NEB: variants seen among roughly 807,000 people sequenced by gnomAD.
NEB encodes nemaline myopathy type 2.
Under a neutral mutation model 952.2 loss-of-function variants are expected in NEB, and 512 were observed. The observed-to-expected ratio is 0.54, with a 90% CI of 0.50 to 0.58. The LOEUF (loss-of-function observed/expected upper bound fraction) is 0.58. Ranked by LOEUF, NEB falls within the 20% of genes least tolerant of loss-of-function variation. The pLI is 0.00. For synonymous variants in NEB, 2,900 were observed against 3,149.8 expected, an observed-to-expected ratio of 0.92 and a Z score of 2.66; for missense variants, 8,428 against 9,231.1, an observed-to-expected ratio of 0.91 and a Z score of 3.56.
intron 160 of NEB, among the ~76,000 whole-genome samples, chr2:151,513,157 T>C (rs1224390343): frequency 6.6e-6 from 1 of 152,130 alleles, no homozygotes; most frequent in Non-Finnish European, 1.5e-5. Context: ...AAAAGACCCA[T>C]ACCAATGAGC....
Position 151,565,503 on chromosome 2 carries a change from C to T in NEB, c.18364G>A (p.Asp6122Asn). 2 of 1,573,464 alleles carry T rather than the reference C, an allele frequency of 1.3e-6. No homozygotes were observed. Among genetic ancestry groups the T allele is most frequent in the Non-Finnish European group, 1.7e-6 (2 of 1,146,910 alleles). Residue 6122 changes from aspartate to asparagine, a missense_variant and splice_region_variant, in exon 116 of 182, where the codon GAT (aspartate) becomes AAT (asparagine). Around this residue, in one of 11 missense-constraint regions of NEB, gnomAD observed 3,374 missense variants for 3,651.5 expected, o/e 0.92. Coordinates refer to ENST00000397345, the MANE Select transcript of NEB (RefSeq NM_001164508.2). ...CAGCATGCACAAAGCAAACTTACATCACTTTGATTGACAGAATTAATCTTG... is the reference window on the plus strand; with the variant it reads ...CAGCATGCACAAAGCAAACTTACATTACTTTGATTGACAGAATTAATCTTG... Reference protein sequence around the residue: ...LAKINSVNQSDVKYKETFNKA... With the variant: ...LAKINSVNQSNVKYKETFNKA...
chr2:151,530,964 G>A (rs569677481), intron 145 of NEB, 30 bp downstream of exon 145: 10 of 1,460,390 alleles, frequency 6.8e-6, no homozygotes, highest in Non-Finnish European at 8.6e-6. Context: ...GCCAAGATGA[G>A]AGGGACTGCT....
chr2:151,681,782 T>A (rs530781574), intron 29 of NEB, among the ~76,000 whole-genome samples: 3 of 152,224 alleles, frequency 2.0e-5, no homozygotes, highest in East Asian at 1.9e-4. Context: ...AGCCTCAAGA[T>A]CATCACTATT....
Position 151,643,064 on chromosome 2 carries a change from AAC to A in NEB, c.8160+84_8160+85del, listed in dbSNP as rs1173623708. The stretch of plus-strand genomic sequence containing the variant: ...ATTAGTACCAAGCAAAGGAATCAAA[AAC>A]AAGTTTTCTTTTATACAAACAGACT... On this transcript the variant is annotated intron_variant, in intron 58 of 181. Coordinates refer to ENST00000397345, the MANE Select transcript of NEB (RefSeq NM_001164508.2). 5.0e-6 allele frequency: 7 copies of A among 1,414,108 alleles called. No homozygotes were observed. In the East Asian group the frequency reaches 9.1e-5, roughly 18 times the overall value. 87.6% of individuals were successfully genotyped at this position (1,414,108 alleles called of 1,614,324 possible).
At chr2:151,622,011 T>C (rs1224859885) in intron 71 of NEB, among the ~76,000 whole-genome samples, 3 of 152,130 alleles carry the variant, frequency 2.0e-5, no homozygotes, top group African/African-American at 7.2e-5. Flanking sequence ...GTCTTTTTTA[T>C]TGTTGTTTTT....
In NEB at chr2:151,519,703, G is replaced by T; in HGVS notation, c.22545C>A (p.Ser7515Arg). The change falls in exon 154 of 182, where the codon AGC (serine) becomes AGA (arginine). Residue 7515 changes from serine (S) to arginine (R), a missense_variant. This residue lies in a region of NEB where 3,374 missense variants were observed against 3,651.5 expected (regional missense o/e 0.92). Transcript: ENST00000397345. Reference sequence around the variant, plus strand: ...CATCTTTCATGACTTTGTAGAGCTGGCTGTCTTTTGGATTGTATTTTGGTG... The same window carrying T: ...CATCTTTCATGACTTTGTAGAGCTGTCTGTCTTTTGGATTGTATTTTGGTG... The part of the protein sequence containing the change: ...GKTPKYNPKD[S>R]QLYKVMKDAN... 6.2e-7 allele frequency: 1 copy of T among 1,612,408 alleles called. No homozygotes were observed. The highest frequency in any genetic ancestry group is 8.5e-7 in the Non-Finnish European group (1 of 1,178,998).
At chr2:151,612,769 C>A (rs1289344916) in intron 77 of NEB, among the ~76,000 whole-genome samples, 1 of 152,148 alleles carries the variant, frequency 6.6e-6, no homozygotes, top group South Asian at 2.1e-4. Context: ...TAGGCAGTGG[C>A]CTTCATAGCT....
chr2:151,707,590 G>C (rs1279333512), intron 12 of NEB, among the ~76,000 whole-genome samples: 1 of 152,152 alleles, frequency 6.6e-6, no homozygotes, highest in Non-Finnish European at 1.5e-5. Context: ...TTTAATTCCA[G>C]CTATGGCAGA....
At chr2:151,535,823 A>G in intron 141 of NEB, 28 bp from the exon 142 acceptor site, 2 of 1,236,998 alleles carry the variant, frequency 1.6e-6, no homozygotes, top group South Asian at 1.3e-5. Context: ...TGGTTACTTG[A>G]CAGCAGGCTA....
intron 27 of NEB, among the ~76,000 whole-genome samples, chr2:151,685,323 T>C (rs1377887351): frequency 6.6e-6 from 1 of 152,192 alleles, no homozygotes; most frequent in East Asian, 1.9e-4. Context: ...TGAAGAGTTT[T>C]CAGTAAAGAA....
Position 151,691,852 on chromosome 2 carries a change from C to T in NEB, c.2211+12G>A, listed in dbSNP as rs2099553755. 2 of 1,554,080 alleles carry T rather than the reference C, an allele frequency of 1.3e-6. No individual in the cohort carries two copies. The highest frequency in any genetic ancestry group is 1.8e-6 in the Non-Finnish European group (2 of 1,137,222). The stretch of plus-strand genomic sequence containing the variant: ...CAAGCTCAATTTCAATAATTCAGGG[C>T]AGCTAACTTACATCTTTACACTGGT... On this transcript the variant is annotated intron_variant, in intron 23 of 181. Coordinates refer to ENST00000397345, the MANE Select transcript of NEB (RefSeq NM_001164508.2).
chr2:151,697,048 G>A lies in NEB; in HGVS notation c.1470+100C>T, dbSNP rs966143441. On this transcript the variant is annotated intron_variant, in intron 16 of 181. Coordinates refer to ENST00000397345, the MANE Select transcript of NEB (RefSeq NM_001164508.2). Reference sequence around the variant, plus strand: ...TAGACTTCATTTCTTGCGATTGCCTGGCTTACATTTATTTGTAAAAGTGGC... The same window carrying A: ...TAGACTTCATTTCTTGCGATTGCCTAGCTTACATTTATTTGTAAAAGTGGC... The A allele has an allele frequency of 1.3e-5, 11 of 873,532 alleles. No individual in the cohort carries two copies. In the African/African-American group the frequency reaches 1.3e-4, roughly 11 times the overall value. 54.1% of individuals were successfully genotyped at this position (873,532 alleles called of 1,614,324 possible).
chr2:151,567,535 G>T, intron 113 of NEB, 56 bp from the exon 114 acceptor site: 2 of 1,490,234 alleles, frequency 1.3e-6, no homozygotes, highest in Non-Finnish European at 1.8e-6. Flanking sequence ...CAAGGCAGAG[G>T]GGGCTTGATC....
At chr2:151,506,067 C>G in intron 164 of NEB, 99 bp downstream of exon 164, 1 of 1,017,412 alleles carries the variant, frequency 9.8e-7, no homozygotes, top group South Asian at 1.3e-5. Context: ...GCAATATAAG[C>G]TGTTTCTGGT....
chr2:151,688,136 G>A (rs762332867), intron 25 of NEB, among the ~76,000 whole-genome samples, 156 bp downstream of exon 25: 8 of 152,208 alleles, frequency 5.3e-5, no homozygotes, highest in Non-Finnish European at 1.0e-4. Context: ...AGATAAGTAG[G>A]AGTCTTAAGA....
intron 170 of NEB, 33 bp downstream of exon 170, chr2:151,498,225 TAA>T: frequency 2.6e-6 from 4 of 1,550,252 alleles, no homozygotes; most frequent in Non-Finnish European, 2.6e-6. Flanking sequence ...ATTCTGAAGT[TAA>T]GTGGCATTTT....
Position 151,684,765 on chromosome 2 carries a change from C to T in NEB, c.2835+13G>A, listed in dbSNP as rs1006057076. ...TTTTTAAAAGAGGGGCTACAGAAAC[C>T]CTGGTTACTCACATCGCTCTGCAGC... On this transcript the variant is annotated intron_variant, in intron 28 of 181. Coordinates refer to ENST00000397345, the MANE Select transcript of NEB (RefSeq NM_001164508.2). The T allele has an allele frequency of 6.5e-7, 1 of 1,548,924 alleles. No individual in the cohort carries two copies. Among genetic ancestry groups the T allele is most frequent in the South Asian group, 1.2e-5 (1 of 80,136 alleles).
At chr2:151,645,813 T>C (rs1445805864) in intron 55 of NEB, among the ~76,000 whole-genome samples, 1 of 152,152 alleles carries the variant, frequency 6.6e-6, no homozygotes, top group South Asian at 2.1e-4. Context: ...AGATAAGCAC[T>C]GTAGATTCAA....
chr2:151,672,686 G>A lies in NEB; in HGVS notation c.3988-6C>T, dbSNP rs760337565. ...TAAGCTTCCTTGTATTTATACTGTGGAGGCAGAATTGGGTTAGCAAAGTCC... is the reference window on the plus strand; with the variant it reads ...TAAGCTTCCTTGTATTTATACTGTGAAGGCAGAATTGGGTTAGCAAAGTCC... On this transcript the variant is annotated splice_polypyrimidine_tract_variant and splice_region_variant and intron_variant, in intron 36 of 181. Transcript: ENST00000397345. The A allele has an allele frequency of 3.7e-6, 6 of 1,605,824 alleles. No homozygotes were observed. Among genetic ancestry groups the A allele is most frequent in the Non-Finnish European group, 5.1e-6 (6 of 1,174,678 alleles).
Sources: allele counts gnomAD v4.1 joint callset (sites outside exome capture counted in the v4.1 genomes callset), GRCh38; gene constraint gnomAD v4.1.1; regional missense constraint gnomAD v4.1.1; transcripts MANE v1.5; gene names NCBI Gene and HGNC (gene_info 2026-07-23, HGNC 2026-07-21).